The following BABAM2 variants were observed in gnomAD, a reference collection of about 807,000 sequenced individuals.
The protein encoded by BABAM2 is BRISC and BRCA1 A complex member 2, also known as BRISC and BRCA1-A complex member 2.
BABAM2 carries 31 observed loss-of-function variants against 54.7 expected under a neutral mutation model. The ratio of observed to expected loss-of-function variants is 0.57; its 90% CI spans 0.43 to 0.77. BABAM2 has a LOEUF of 0.77. Ranked by LOEUF, BABAM2 falls within the 30% of genes least tolerant of loss-of-function variation. BABAM2 has a pLI of 0.00. For synonymous variants in BABAM2, 167 were observed against 162.9 expected, an observed-to-expected ratio of 1.03 and a Z score of -0.19; for missense variants, 364 against 455.8, an observed-to-expected ratio of 0.80 and a Z score of 1.83.
intron 6 of BABAM2, among the ~76,000 whole-genome samples, chr2:28,051,809 T>C (rs888937593): frequency 3.3e-5 from 5 of 152,034 alleles, no homozygotes; most frequent in African/African-American, 7.2e-5. Context: ...CCACCAGGCC[T>C]GGCTAATTTT....
In BABAM2 at chr2:28,081,395, C is replaced by G. The variant is rs560975420; in HGVS notation, c.570+35596C>G. Among the ~76,000 whole-genome samples, 6 of 152,292 alleles carry G rather than the reference C, an allele frequency of 3.9e-5. No individual in the cohort carries two copies. In the South Asian group the frequency reaches 1.2e-3, roughly 32 times the overall value. On this transcript the variant is annotated intron_variant, in intron 6 of 11. Coordinates refer to ENST00000379624, the MANE Select transcript of BABAM2 (RefSeq NM_199191.3). ...ACACTTACCTGATTCCCAATTTGTA[C>G]GTAAGACCAGGCAAGGTCCACTGTG...
chr2:28,318,267 C>T (rs943987236), intron 11 of BABAM2, among the ~76,000 whole-genome samples: 11 of 151,392 alleles, frequency 7.3e-5, no homozygotes, highest in Middle Eastern at 6.8e-3. Context: ...AAGGGTTGGG[C>T]AAACAACAGC....
intron 3 of BABAM2, among the ~76,000 whole-genome samples, chr2:27,982,866 C>T (rs1412674057): frequency 1.3e-5 from 2 of 151,874 alleles, no homozygotes; most frequent in African/African-American, 2.4e-5. Context: ...CACACACACA[C>T]ACACACACAC....
intron 3 of BABAM2, among the ~76,000 whole-genome samples, chr2:27,950,616 TGC>T (rs1211084444): frequency 6.6e-6 from 1 of 152,182 alleles, no homozygotes; most frequent in Non-Finnish European, 1.5e-5. Flanking sequence ...TTTATTTGAA[TGC>T]TTTTTCCTAT....
In BABAM2 at chr2:28,036,872, T is replaced by A. The variant is rs1466095675; in HGVS notation, c.496-8853T>A. On this transcript the variant is annotated intron_variant, in intron 5 of 11. Transcript: ENST00000379624. Reference sequence around the variant, plus strand: ...CAAAACACTTACCATGTCGTACTATTTTGTTTAATTGCCAGTCTAGTCAAA... The same window carrying A: ...CAAAACACTTACCATGTCGTACTATATTGTTTAATTGCCAGTCTAGTCAAA... 2.0e-5 allele frequency among the ~76,000 whole-genome samples: 3 copies of A among 152,218 alleles called. No homozygotes were observed. The East Asian group carries it at 5.8e-4, about 29-fold the overall frequency.
intron 10 of BABAM2, among the ~76,000 whole-genome samples, chr2:28,288,140 G>A (rs910117042): frequency 1.3e-5 from 2 of 152,118 alleles, no homozygotes; most frequent in Non-Finnish European, 2.9e-5. Context: ...TTTGATGAGA[G>A]TAAAACCAGA....
chr2:28,021,528 T>C (rs1423953866), intron 4 of BABAM2, among the ~76,000 whole-genome samples: 1 of 152,222 alleles, frequency 6.6e-6, no homozygotes, highest in Non-Finnish European at 1.5e-5. Context: ...AATGAAAAAT[T>C]AGTTTATTAA....
intron 11 of BABAM2, among the ~76,000 whole-genome samples, chr2:28,332,108 C>G (rs1691008173): frequency 6.6e-6 from 1 of 152,104 alleles, no homozygotes; most frequent in Admixed American, 6.5e-5. Flanking sequence ...GGGAGCTGAA[C>G]AATGAGAACA....
intron 7 of BABAM2, among the ~76,000 whole-genome samples, chr2:28,149,654 G>A (rs185387523): frequency 2.6e-5 from 4 of 152,230 alleles, no homozygotes; most frequent in Admixed American, 6.5e-5. Flanking sequence ...CACTCCACAC[G>A]CCTGTACAGT....
At chr2:28,247,260 C>T (rs1255208974) in intron 10 of BABAM2, among the ~76,000 whole-genome samples, 1 of 152,204 alleles carries the variant, frequency 6.6e-6, no homozygotes, top group African/African-American at 2.4e-5. Flanking sequence ...TGCCTGTGAA[C>T]CAAAGGACTT....
At chr2:28,008,570 A>G (rs1221868432) in intron 4 of BABAM2, among the ~76,000 whole-genome samples, 1 of 152,188 alleles carries the variant, frequency 6.6e-6, no homozygotes, top group African/African-American at 2.4e-5. Context: ...GAGGCGGTCA[A>G]TTTGCAAATG....
intron 6 of BABAM2, among the ~76,000 whole-genome samples, chr2:28,122,573 C>A (rs367993584): frequency 6.6e-6 from 1 of 152,144 alleles, no homozygotes; most frequent in African/African-American, 2.4e-5. Context: ...CGTCCTGTTA[C>A]GTGACCTGTG....
At chr2:27,913,484 A>G (rs1458396) in intron 2 of BABAM2, among the ~76,000 whole-genome samples, 97,679 of 152,040 alleles carry the variant, frequency 0.64, 33,403 homozygotes, top group Middle Eastern at 0.8. Context: ...TTTAAAACAA[A>G]TATGGTAGAT....
At chr2:27,969,857 A>G (rs1311793069) in intron 3 of BABAM2, among the ~76,000 whole-genome samples, 1 of 152,138 alleles carries the variant, frequency 6.6e-6, no homozygotes, top group African/African-American at 2.4e-5. Flanking sequence ...CCTACAGCAA[A>G]GAGTTATCCA....
chr2:28,134,088 T>C (rs892059974), intron 7 of BABAM2, among the ~76,000 whole-genome samples: 1 of 148,066 alleles, frequency 6.8e-6, no homozygotes, highest in Non-Finnish European at 1.5e-5. Flanking sequence ...ATTTATGAAA[T>C]AAACATATTT....
intron 9 of BABAM2, among the ~76,000 whole-genome samples, chr2:28,241,702 C>G (rs977032484): frequency 6.6e-6 from 1 of 151,886 alleles, no homozygotes; most frequent in African/African-American, 2.4e-5. Flanking sequence ...ACCATGTTGT[C>G]CAGGCTGGTC....
upstream of BABAM2, chr2:27,890,416 C>T: frequency 7.0e-7 from 1 of 1,432,372 alleles, no homozygotes; most frequent in Non-Finnish European, 9.5e-7. This position sits in a 1 kb window ranked among gnomAD's most constrained non-coding sequence, Gnocchi z 4.8. Context: ...ACCAGAGACG[C>T]CACTCCTGCC....
intron 6 of BABAM2, among the ~76,000 whole-genome samples, chr2:28,093,017 T>C (rs574778057): frequency 7.2e-5 from 11 of 152,318 alleles, no homozygotes; most frequent in African/African-American, 2.6e-4. Context: ...GGTAGCTTTT[T>C]AGGAACTTAC....
chr2:27,954,132 A>C (rs538966822), intron 3 of BABAM2, among the ~76,000 whole-genome samples: 2 of 152,232 alleles, frequency 1.3e-5, no homozygotes, highest in Non-Finnish European at 2.9e-5. Flanking sequence ...TAGAAAAGTT[A>C]CAACTCATTT....
Sources: gnomAD v4.1 joint callset for allele counts (sites outside exome capture counted in the v4.1 genomes callset) on GRCh38, gnomAD v4.1.1 for gene constraint, Gnocchi (gnomAD v3.1) non-coding constraint, MANE v1.5 for transcripts, NCBI Gene and HGNC (gene_info 2026-07-23, HGNC 2026-07-21) for gene names.